GNAQ: variants seen among roughly 807,000 people sequenced by gnomAD.
The protein encoded by GNAQ is G protein subunit alpha q.
GNAQ carries 8 observed loss-of-function variants against 43.9 expected under a neutral mutation model. The observed-to-expected ratio is 0.18, with a 90% CI of 0.11 to 0.33. The LOEUF (loss-of-function observed/expected upper bound fraction) is 0.33. Ranked by LOEUF, GNAQ falls within the 10% of genes least tolerant of loss-of-function variation. The pLI is 1.00. For synonymous variants in GNAQ, 155 were observed against 170.7 expected (o/e 0.91, Z 0.71); for missense variants, 158 against 450.8 (o/e 0.35, Z 5.88).
intron 1 of GNAQ, among the ~76,000 whole-genome samples, chr9:78,023,093 T>A (rs1384122805): frequency 6.6e-6 from 1 of 152,226 alleles, no homozygotes; most frequent in Non-Finnish European, 1.5e-5. Flanking sequence ...CGTGATAGAT[T>A]ATCCAGCACT....
chr9:77,807,311 A>G (rs1437596131), intron 3 of GNAQ, among the ~76,000 whole-genome samples: 1 of 152,122 alleles, frequency 6.6e-6, no homozygotes, highest in Non-Finnish European at 1.5e-5. Context: ...AATCATGTGC[A>G]TGTTCTATTA....
intron 1 of GNAQ, among the ~76,000 whole-genome samples, chr9:78,025,864 T>C (rs933981381): frequency 1.4e-4 from 22 of 152,308 alleles, no homozygotes; most frequent in African/African-American, 2.6e-4. Context: ...TTAATTTCTT[T>C]TCAAGTGTAA....
At chr9:78,030,275 C>A (rs1236654741) in intron 1 of GNAQ, among the ~76,000 whole-genome samples, 5 of 152,084 alleles carry the variant, frequency 3.3e-5, no homozygotes, top group Admixed American at 3.3e-4. Flanking sequence ...CAAAAGATAC[C>A]GGTCGCTGTC....
chr9:78,010,416 T>C (rs1823759627), intron 1 of GNAQ, among the ~76,000 whole-genome samples: 1 of 152,142 alleles, frequency 6.6e-6, no homozygotes, highest in Non-Finnish European at 1.5e-5. Context: ...ATGGAATTAA[T>C]TGGGGGATAA....
At chr9:77,780,588 T>C (rs1167019900) in intron 5 of GNAQ, among the ~76,000 whole-genome samples, 1 of 151,928 alleles carries the variant, frequency 6.6e-6, no homozygotes, top group Non-Finnish European at 1.5e-5. Context: ...TGCAGATCTC[T>C]CTGATATAAT....
At chr9:77,762,221 G>A (rs1457048260) in intron 5 of GNAQ, among the ~76,000 whole-genome samples, 2 of 140,834 alleles carry the variant, frequency 1.4e-5, no homozygotes, top group African/African-American at 2.6e-5. Flanking sequence ...CCCTCTGCCC[G>A]GCCAGCCGCC....
chr9:77,900,623 G>A (rs1470413443), intron 2 of GNAQ, among the ~76,000 whole-genome samples: 1 of 152,082 alleles, frequency 6.6e-6, no homozygotes, highest in Admixed American at 6.6e-5. Flanking sequence ...CAATTTCTAG[G>A]ATCAAACTAT....
chr9:77,788,323 G>C (rs764920038), intron 5 of GNAQ, among the ~76,000 whole-genome samples: 13 of 152,060 alleles, frequency 8.5e-5, no homozygotes, highest in Non-Finnish European at 1.8e-4. Context: ...TGACATGGTA[G>C]TTTAAATAAA....
chr9:77,923,308 T>C (rs1292443442), intron 1 of GNAQ, among the ~76,000 whole-genome samples: 1 of 152,220 alleles, frequency 6.6e-6, no homozygotes, highest in Non-Finnish European at 1.5e-5. Context: ...CTCCCGATTC[T>C]TGACTAGTAA....
rs3858119 is a variant in GNAQ at position 77,720,160 on chromosome 9, C to T, written c.*1163G>A. ...CTTAAGGACAAAGAAAAGAATGGAC[C>T]GTGAGAATCAAATTTCTAGTTACAA... is the stretch of plus-strand genomic sequence containing the variant. On this transcript the variant is annotated 3_prime_UTR_variant, in exon 7 of 7. Coordinates refer to ENST00000286548, the MANE Select transcript of GNAQ (RefSeq NM_002072.5). 0.58 allele frequency: 135,033 copies of T among 232,876 alleles called. 42,939 individuals are homozygous for T. The highest frequency in any genetic ancestry group is 0.7 in the Non-Finnish European group (82,034 of 117,794). The allele number at this position is 232,876 out of a possible 1,614,324, so 14.4% of individuals were successfully genotyped here.
chr9:77,764,967 G>C (rs1826110890), intron 5 of GNAQ, among the ~76,000 whole-genome samples: 1 of 152,162 alleles, frequency 6.6e-6, no homozygotes, highest in Non-Finnish European at 1.5e-5. Flanking sequence ...AATGTGATTA[G>C]TTTTTTCAAA....
At chr9:77,849,500 T>C (rs1455905555) in intron 2 of GNAQ, among the ~76,000 whole-genome samples, 6 of 152,094 alleles carry the variant, frequency 3.9e-5, no homozygotes, top group Admixed American at 3.9e-4. Context: ...CGGCCAGTGC[T>C]TTCTGAATCC....
rs754786107 is a variant in GNAQ at position 77,718,726 on chromosome 9, A to ATTTTTTTTT, written c.*2588_*2596dup. 1.2e-3 allele frequency: 140 copies of ATTTTTTTTT among 114,352 alleles called. 11 individuals are homozygous for ATTTTTTTTT. The highest frequency in any genetic ancestry group is 1.8e-3 in the Admixed American group (11 of 6,064). 7.1% of individuals were successfully genotyped at this position (114,352 alleles called of 1,614,324 possible). The stretch of plus-strand genomic sequence containing the variant: ...GTAGGCCTTCAAATGTTGTTGTTTA[A>ATTTTTTTTT]TTTTTTTTTTTTTTTTTTTTTTTTT... On this transcript the variant is annotated 3_prime_UTR_variant, in exon 7 of 7. Coordinates refer to ENST00000286548, the MANE Select transcript of GNAQ (RefSeq NM_002072.5).
chr9:78,003,407 T>G (rs1273333525), intron 1 of GNAQ, among the ~76,000 whole-genome samples: 1 of 152,208 alleles, frequency 6.6e-6, no homozygotes. Context: ...TCTTCTCTCT[T>G]GTACCTGTTA....
At chr9:78,014,243 C>A (rs1587461552) in intron 1 of GNAQ, among the ~76,000 whole-genome samples, 1 of 152,080 alleles carries the variant, frequency 6.6e-6, no homozygotes, top group Non-Finnish European at 1.5e-5. Flanking sequence ...CGCCAATACA[C>A]CCTAACATTA....
At chr9:77,758,901 A>G (rs1441792446) in intron 5 of GNAQ, among the ~76,000 whole-genome samples, 1 of 152,204 alleles carries the variant, frequency 6.6e-6, no homozygotes, top group African/African-American at 2.4e-5. Context: ...ATATTTAAAA[A>G]TTTGAAAGAT....
rs571784822 is a variant in GNAQ at position 77,775,558 on chromosome 9, C to T, written c.735+18905G>A. ...CCGAGTAGCTGGGACTATAGGCGCC[C>T]GCCACCACGCCCAGCTAAATTTTTT... On this transcript the variant is annotated intron_variant, in intron 5 of 6. Transcript: ENST00000286548. 3.7e-4 allele frequency among the ~76,000 whole-genome samples: 56 copies of T among 151,996 alleles called. 1 individual carries two copies. The South Asian group carries it at 9.5e-3, about 26-fold the overall frequency.
intron 4 of GNAQ, among the ~76,000 whole-genome samples, chr9:77,795,749 A>C (rs1002246778): frequency 2.6e-5 from 4 of 152,224 alleles, no homozygotes; most frequent in African/African-American, 7.2e-5. Context: ...CAAGGTGTGA[A>C]TAATACGCTA....
intron 4 of GNAQ, 133 bp downstream of exon 4, chr9:77,797,387 T>A: frequency 1.4e-6 from 1 of 707,792 alleles, no homozygotes; most frequent in South Asian, 1.7e-5. Flanking sequence ...TTTATTTGTA[T>A]AACTAATGAT....
Sources: gnomAD v4.1 joint callset for allele counts (sites outside exome capture counted in the v4.1 genomes callset) on GRCh38, gnomAD v4.1.1 for gene constraint, MANE v1.5 for transcripts, NCBI Gene and HGNC (gene_info 2026-07-23, HGNC 2026-07-21) for gene names.